The following BHMT variants were observed in gnomAD, a reference collection of about 807,000 sequenced individuals.
BHMT encodes betaine--homocysteine S-methyltransferase 1.
BHMT carries 38 observed loss-of-function variants against 49.5 expected under a neutral mutation model. That is an observed-to-expected ratio of 0.77 (90% CI 0.59 to 1.01). BHMT has a LOEUF of 1.01. BHMT is among the 50% of genes least tolerant of loss of function. The probability of loss-of-function intolerance (pLI) is 0.00; values close to 1 mark genes in which losing one functional copy is unlikely to be tolerated. For missense variants in BHMT, 426 were observed against 495.7 expected (o/e 0.86, Z 1.34); for synonymous variants, 166 against 176.3 (o/e 0.94, Z 0.46).
At chr5:79,130,375 G>A (rs189673706) in intron 7 of BHMT, among the ~76,000 whole-genome samples, 1 of 152,270 alleles carries the variant, frequency 6.6e-6, no homozygotes, top group Admixed American at 6.5e-5. Flanking sequence ...TTGTTAATGA[G>A]GCAGATGCCT....
chr5:79,116,823 G>A (rs75925826), intron 2 of BHMT, among the ~76,000 whole-genome samples: 7 of 152,158 alleles, frequency 4.6e-5, no homozygotes, highest in East Asian at 1.9e-4. Flanking sequence ...TATAAGCGAC[G>A]TCATTGAGTA....
intron 6 of BHMT, 73 bp downstream of exon 6, chr5:79,126,301 C>A: frequency 6.6e-7 from 1 of 1,519,920 alleles, no homozygotes; most frequent in Non-Finnish European, 9.0e-7. Flanking sequence ...AAATCTATAC[C>A]CAGAGATCTT....
rs528235368 is a variant in BHMT at position 79,115,815 on chromosome 5, G to A, written c.82G>A (p.Gly28Arg). Reference protein sequence around the residue: ...NAGEIVIGDGGFVFALEKRGY... With the variant: ...NAGEIVIGDGRFVFALEKRGY... The stretch of plus-strand genomic sequence containing the variant: ...TGGAGAGATTGTGATTGGAGATGGA[G>A]GGTTTGTCTTTGCACTGGAGAAGAG... Residue 28 changes from glycine to arginine, a missense_variant, in exon 2 of 8, where the codon GGG becomes AGG. Gly to Arg is a moderately radical substitution (Grantham distance 125). Transcript: ENST00000274353. 23 of 1,614,056 alleles carry A rather than the reference G, an allele frequency of 1.4e-5. No homozygotes were observed. In the South Asian group the frequency reaches 2.4e-4, roughly 17 times the overall value.
chr5:79,120,603 C>A, intron 4 of BHMT, 62 bp downstream of exon 4: 1 of 1,471,816 alleles, frequency 6.8e-7, no homozygotes, highest in Non-Finnish European at 9.1e-7. Context: ...CTACCTTTTG[C>A]TTTCAAGAGT....
At chr5:79,119,432 A>T in intron 3 of BHMT, 55 bp downstream of exon 3, 3 of 1,398,902 alleles carry the variant, frequency 2.1e-6, no homozygotes, top group Non-Finnish European at 3.0e-6. Context: ...CTATTGCATC[A>T]ACAAAGCTCC....
At chr5:79,116,862 T>A (rs1184505066) in intron 2 of BHMT, among the ~76,000 whole-genome samples, 1 of 152,128 alleles carries the variant, frequency 6.6e-6, no homozygotes, top group African/African-American at 2.4e-5. Context: ...GTATTATGGG[T>A]TAGAGTAGGA....
intron 1 of BHMT, among the ~76,000 whole-genome samples, chr5:79,112,573 G>A (rs1580266682): frequency 6.6e-6 from 1 of 152,234 alleles, no homozygotes; most frequent in East Asian, 1.9e-4. Context: ...GATTTTCACA[G>A]GCAATTTGAT....
chr5:79,123,879 C>G (rs370968729), intron 5 of BHMT, among the ~76,000 whole-genome samples: 1 of 152,158 alleles, frequency 6.6e-6, no homozygotes, highest in African/African-American at 2.4e-5. Context: ...GGGGTGGAAA[C>G]AATCTCAGAG....
intron 2 of BHMT, among the ~76,000 whole-genome samples, chr5:79,117,724 GC>G (rs2112724279): frequency 6.6e-6 from 1 of 152,270 alleles, no homozygotes; most frequent in East Asian, 1.9e-4. Context: ...TAATTTCCTA[GC>G]CTGTCATATA....
intron 7 of BHMT, among the ~76,000 whole-genome samples, chr5:79,130,729 G>A (rs570217625): frequency 6.8e-6 from 1 of 146,862 alleles, no homozygotes; most frequent in South Asian, 2.3e-4. Flanking sequence ...TCGTAGTCAG[G>A]AATCATGGTG....
chr5:79,117,971 T>TA (rs988276106), intron 2 of BHMT, among the ~76,000 whole-genome samples: 31 of 151,020 alleles, frequency 2.1e-4, no homozygotes, highest in African/African-American at 6.8e-4. Context: ...TGGGGAAACT[T>TA]AAAAAAAAAG....
intron 5 of BHMT, among the ~76,000 whole-genome samples, chr5:79,125,759 C>G (rs1756542945): frequency 6.6e-6 from 1 of 151,866 alleles, no homozygotes; most frequent in South Asian, 2.1e-4. Flanking sequence ...TGGCGAAACC[C>G]CATATCTATA....
chr5:79,112,741 TC>T (rs1178911935), intron 1 of BHMT, among the ~76,000 whole-genome samples: 1 of 152,174 alleles, frequency 6.6e-6, no homozygotes, highest in African/African-American at 2.4e-5. Flanking sequence ...CTCTTGGCTA[TC>T]CCAGTGGCTT....
At chr5:79,113,794 T>A (rs1000201978) in intron 1 of BHMT, among the ~76,000 whole-genome samples, 4 of 152,150 alleles carry the variant, frequency 2.6e-5, no homozygotes, top group African/African-American at 7.2e-5. Context: ...TAGATAATTT[T>A]AAAATGCAAT....
At chr5:79,124,138 G>T (rs892387087) in intron 5 of BHMT, among the ~76,000 whole-genome samples, 1 of 152,032 alleles carries the variant, frequency 6.6e-6, no homozygotes, top group African/African-American at 2.4e-5. Context: ...GCTAGCAGAA[G>T]GGGAAAATAA....
chr5:79,112,180 C>T (rs1233892430), intron 1 of BHMT, among the ~76,000 whole-genome samples: 2 of 152,196 alleles, frequency 1.3e-5, no homozygotes, highest in Non-Finnish European at 2.9e-5. Flanking sequence ...CCCAGCCCAG[C>T]TTGGACCAGA....
chr5:79,122,263 G>C (rs1036392613), intron 5 of BHMT, among the ~76,000 whole-genome samples: 2 of 152,046 alleles, frequency 1.3e-5, no homozygotes, highest in Non-Finnish European at 2.9e-5. Context: ...CTTTACTGTG[G>C]AACTTATCAA....
intron 1 of BHMT, among the ~76,000 whole-genome samples, chr5:79,114,057 T>C (rs1336730919): frequency 2.7e-5 from 4 of 150,258 alleles, no homozygotes; most frequent in Non-Finnish European, 5.9e-5. Context: ...ACCCTTGTTA[T>C]GTTTTTTATG....
At chr5:79,122,790 T>C (rs1220047225) in intron 5 of BHMT, among the ~76,000 whole-genome samples, 1 of 152,060 alleles carries the variant, frequency 6.6e-6, no homozygotes, top group Non-Finnish European at 1.5e-5. Context: ...ACAAGTATAT[T>C]TACTTCTGGA....
Sources: gnomAD v4.1 joint callset for allele counts (sites outside exome capture counted in the v4.1 genomes callset) on GRCh38, gnomAD v4.1.1 for gene constraint, MANE v1.5 for transcripts, NCBI Gene and HGNC (gene_info 2026-07-23, HGNC 2026-07-21) for gene names.